The following SH3PXD2A variants were observed in gnomAD, a reference collection of about 807,000 sequenced individuals.
The protein encoded by SH3PXD2A is SH3 and PX domain-containing protein 2A.
A neutral mutation model predicts 115.2 loss-of-function variants in SH3PXD2A; 32 were observed. The observed-to-expected ratio is 0.28, with a 90% CI of 0.21 to 0.37. The LOEUF is 0.37. SH3PXD2A is among the 10% of genes least tolerant of loss of function. The pLI, the probability that SH3PXD2A is intolerant of heterozygous loss-of-function variation, is 1.00. For synonymous variants in SH3PXD2A, 610 were observed against 629.1 expected (o/e 0.97, Z 0.45); for missense variants, 1,328 against 1,498.7 (o/e 0.89, Z 1.88).
intron 13 of SH3PXD2A, among the ~76,000 whole-genome samples, chr10:103,608,421 C>T (rs1326272182): frequency 7.6e-6 from 1 of 132,418 alleles, no homozygotes; most frequent in African/African-American, 2.8e-5. Context: ...AGACACCATT[C>T]CATGTCAAGA....
chr10:103,663,703 G>T (rs970675684), intron 7 of SH3PXD2A, among the ~76,000 whole-genome samples: 1 of 152,230 alleles, frequency 6.6e-6, no homozygotes, highest in Non-Finnish European at 1.5e-5. Context: ...TCTGTAGGGG[G>T]AGGCTCCCTC....
chr10:103,824,520 C>T (rs1004911975), intron 1 of SH3PXD2A, among the ~76,000 whole-genome samples: 2 of 152,158 alleles, frequency 1.3e-5, no homozygotes, highest in African/African-American at 2.4e-5. Context: ...TGCTAATGCC[C>T]GCCCATACCC....
chr10:103,702,612 T>TGTGTGTGTGTGTGTGTGTGC (rs1491200444), intron 5 of SH3PXD2A, among the ~76,000 whole-genome samples: 1 of 151,474 alleles, frequency 6.6e-6, no homozygotes, highest in Non-Finnish European at 1.5e-5. Context: ...TGTGTGTGTG[T>TGTGTGTGTGTGTGTGTGTGC]GCATGCTGGG....
intron 6 of SH3PXD2A, among the ~76,000 whole-genome samples, chr10:103,678,572 C>T (rs755295426): frequency 2.0e-5 from 3 of 152,202 alleles, no homozygotes. Flanking sequence ...CCTTTCCCAG[C>T]GTGGGAAGGT....
Position 103,804,147 on chromosome 10 carries a change from GCAT to G in SH3PXD2A, c.73-2788_73-2786del. 2.0e-5 allele frequency among the ~76,000 whole-genome samples: 3 copies of G among 152,188 alleles called. No individual in the cohort carries two copies. The Middle Eastern group carries it at 0.01, about 518-fold the overall frequency. On this transcript the variant is annotated intron_variant, in intron 1 of 14. Coordinates refer to ENST00000369774, the MANE Select transcript of SH3PXD2A (RefSeq NM_001394015.1). ...ATGTTTCTTATCAGATCTTAGGTCT[GCAT>G]TGATATTGATGCTGCAGGAGTATAA...
At chr10:103,752,330 G>A (rs991398112) in intron 3 of SH3PXD2A, among the ~76,000 whole-genome samples, 1 of 152,124 alleles carries the variant, frequency 6.6e-6, no homozygotes, top group African/African-American at 2.4e-5. Context: ...CCATTATTAG[G>A]CATTTATTCC....
chr10:103,807,224 C>T (rs567452391), intron 1 of SH3PXD2A, among the ~76,000 whole-genome samples: 30 of 152,326 alleles, frequency 2.0e-4, no homozygotes, highest in African/African-American at 6.7e-4. Flanking sequence ...TGCAAATACA[C>T]AGCCCAACCA....
At chr10:103,612,307 A>G (rs146109225) in intron 12 of SH3PXD2A, among the ~76,000 whole-genome samples, 1 of 152,220 alleles carries the variant, frequency 6.6e-6, no homozygotes, top group African/African-American at 2.4e-5. Context: ...GTAAAGCCTT[A>G]GCTCCCAAGT....
intron 2 of SH3PXD2A, among the ~76,000 whole-genome samples, chr10:103,798,614 G>GC (rs929181204): frequency 6.6e-6 from 1 of 152,202 alleles, no homozygotes; most frequent in Non-Finnish European, 1.5e-5. Context: ...TTAGAACCAC[G>GC]AGTTGGTGAA....
rs774358631 is a variant in SH3PXD2A, at chr10:103,611,670, G to A, written c.1259-40C>T. The stretch of plus-strand genomic sequence containing the variant: ...ATGGCTTCAGAAATCCTAGTCAGAC[G>A]ATGGGCAACAGTACCCATACCTGCC... On this transcript the variant is annotated intron_variant, in intron 12 of 14. Transcript: ENST00000369774. 8 of 1,548,412 alleles carry A rather than the reference G, an allele frequency of 5.2e-6. No homozygotes were observed. In the Admixed American group the frequency reaches 1.0e-4, roughly 19 times the overall value.
chr10:103,782,860 G>A (rs2038944413), intron 2 of SH3PXD2A, among the ~76,000 whole-genome samples: 1 of 150,476 alleles, frequency 6.6e-6, no homozygotes, highest in Non-Finnish European at 1.5e-5. Flanking sequence ...GATAATAACA[G>A]GTTGTAATAA....
intron 3 of SH3PXD2A, among the ~76,000 whole-genome samples, chr10:103,748,509 G>C (rs2030693103): frequency 6.6e-6 from 1 of 152,198 alleles, no homozygotes; most frequent in Non-Finnish European, 1.5e-5. Flanking sequence ...CTGGGGGCTG[G>C]GCTGTGATGG....
intron 8 of SH3PXD2A, among the ~76,000 whole-genome samples, chr10:103,653,988 A>T (rs1050794781): frequency 6.6e-6 from 1 of 151,572 alleles, no homozygotes; most frequent in Non-Finnish European, 1.5e-5. Flanking sequence ...TTGCAGTCGC[A>T]GCCCCACCAC....
rs1203497249 is a variant in SH3PXD2A, at chr10:103,620,275, CGGT to C, written c.802+2192_802+2194del. On this transcript the variant is annotated intron_variant, in intron 10 of 14. Transcript: ENST00000369774. This position sits in a 1 kb window ranked among gnomAD's most constrained non-coding sequence, Gnocchi z 5.3. ...GAACACTGACCACGCCACCAGGAGA[CGGT>C]GGCAGCCTGCCCTGGGGAGGGCTGG... Among the ~76,000 whole-genome samples, 1 of 152,180 alleles carries C rather than the reference CGGT, an allele frequency of 6.6e-6. No homozygotes were observed. Among genetic ancestry groups the C allele is most frequent in the Non-Finnish European group, 1.5e-5 (1 of 68,026 alleles).
intron 2 of SH3PXD2A, among the ~76,000 whole-genome samples, chr10:103,792,517 T>C (rs1161384946): frequency 6.6e-6 from 1 of 152,242 alleles, no homozygotes; most frequent in Admixed American, 6.5e-5. Context: ...TCCTAAGGGC[T>C]TTCTTTATAT....
chr10:103,718,056 G>A (rs1419543370), intron 5 of SH3PXD2A, among the ~76,000 whole-genome samples: 5 of 151,618 alleles, frequency 3.3e-5, no homozygotes, highest in Non-Finnish European at 1.5e-5. Flanking sequence ...GCCCAGGCTG[G>A]AGTGCAGTGG....
rs191652661 is a variant in SH3PXD2A, at chr10:103,712,752, T to C, written c.398+11518A>G. ...GGCAACCATGGCGTCCTGATGCAGT[T>C]ATTCTGCCCTTCTGTCTGATGAAGG... is the stretch of plus-strand genomic sequence containing the variant. On this transcript the variant is annotated intron_variant, in intron 5 of 14. Coordinates refer to ENST00000369774, the MANE Select transcript of SH3PXD2A (RefSeq NM_001394015.1). 7.2e-5 allele frequency among the ~76,000 whole-genome samples: 11 copies of C among 152,348 alleles called. No individual in the cohort carries two copies. In the East Asian group the frequency reaches 2.1e-3, roughly 29 times the overall value.
chr10:103,750,487 C>T (rs17812914), intron 3 of SH3PXD2A, among the ~76,000 whole-genome samples: 14,565 of 152,212 alleles, frequency 0.096, 745 homozygotes, highest in South Asian at 0.14. Context: ...ACACTGGTAA[C>T]GAATGAAGTT....
intron 1 of SH3PXD2A, among the ~76,000 whole-genome samples, chr10:103,838,451 A>G (rs1315448615): frequency 1.3e-5 from 2 of 152,256 alleles, no homozygotes; most frequent in African/African-American, 4.8e-5. Context: ...AAGGCCACAC[A>G]GCAATAAATG....
Sources: allele counts gnomAD v4.1 joint callset (sites outside exome capture counted in the v4.1 genomes callset), GRCh38; gene constraint gnomAD v4.1.1; non-coding constraint Gnocchi (gnomAD v3.1); transcripts MANE v1.5; gene names NCBI Gene and HGNC (gene_info 2026-07-23, HGNC 2026-07-21).